The following PSMB7 variants were observed in gnomAD, a reference collection of about 807,000 sequenced individuals.
PSMB7 encodes the protein proteasome subunit beta type-7.
A neutral mutation model predicts 28.1 loss-of-function variants in PSMB7; 5 were observed. The ratio of observed to expected loss-of-function variants is 0.18; its 90% confidence interval spans 0.09 to 0.37. The LOEUF is 0.37. PSMB7 is among the 10% of genes least tolerant of loss of function. PSMB7 has a pLI of 1.00. For missense variants in PSMB7, 275 were observed against 346.2 expected (o/e 0.79, Z 1.63); for synonymous variants, 122 against 123.7 (o/e 0.99, Z 0.09).
intron 6 of PSMB7, among the ~76,000 whole-genome samples, chr9:124,370,345 G>C (rs910832299): frequency 3.4e-5 from 5 of 148,202 alleles, no homozygotes; most frequent in Non-Finnish European, 7.4e-5. Flanking sequence ...ACCTACACTT[G>C]ATATAGGCTG....
intron 6 of PSMB7, among the ~76,000 whole-genome samples, chr9:124,373,414 T>G (rs551839751): frequency 3.3e-5 from 5 of 152,290 alleles, no homozygotes; most frequent in African/African-American, 4.8e-5. Flanking sequence ...TAAAGACAAT[T>G]TATTATGTCT....
intron 6 of PSMB7, among the ~76,000 whole-genome samples, chr9:124,381,603 CAGAA>C (rs1443058096): frequency 5.3e-5 from 8 of 152,174 alleles, no homozygotes; most frequent in African/African-American, 1.9e-4. Flanking sequence ...CTTTTTGACA[CAGAA>C]AGAAAGTCTC....
At chr9:124,360,712 A>T (rs1261946976) in intron 6 of PSMB7, among the ~76,000 whole-genome samples, 1 of 152,334 alleles carries the variant, frequency 6.6e-6, no homozygotes, top group African/African-American at 2.4e-5. Context: ...GGAGACATGG[A>T]GGCAGACAGA....
At chr9:124,413,041 C>T (rs927675805) in intron 3 of PSMB7, among the ~76,000 whole-genome samples, 2 of 149,032 alleles carry the variant, frequency 1.3e-5, no homozygotes, top group African/African-American at 5.0e-5. Flanking sequence ...TCAGGCTGGG[C>T]ATGATGGCTC....
intron 7 of PSMB7, among the ~76,000 whole-genome samples, chr9:124,355,600 C>G (rs116755811): frequency 1.3e-5 from 2 of 152,358 alleles, no homozygotes; most frequent in East Asian, 3.9e-4. Context: ...ACCTGGAGCT[C>G]GGCAAAGCCC....
At chr9:124,374,012 G>T (rs1225621438) in intron 6 of PSMB7, among the ~76,000 whole-genome samples, 2 of 152,120 alleles carry the variant, frequency 1.3e-5, no homozygotes, top group East Asian at 3.8e-4. Context: ...TCCAACTAAT[G>T]AATAAGTAAA....
chr9:124,406,796 C>A (rs2131178921), intron 4 of PSMB7, among the ~76,000 whole-genome samples: 1 of 152,176 alleles, frequency 6.6e-6, no homozygotes, highest in Non-Finnish European at 1.5e-5. Context: ...TTCCTTTGGA[C>A]CCTTTTTTTC....
intron 6 of PSMB7, among the ~76,000 whole-genome samples, chr9:124,371,063 C>CTGTGAAATA (rs1830557882): frequency 6.6e-6 from 1 of 152,182 alleles, no homozygotes; most frequent in Non-Finnish European, 1.5e-5. Context: ...ATATTTCATA[C>CTGTGAAATA]CGCTGTGAAA....
intron 6 of PSMB7, among the ~76,000 whole-genome samples, chr9:124,358,850 G>A (rs534810170): frequency 5.9e-5 from 9 of 152,324 alleles, no homozygotes; most frequent in African/African-American, 1.9e-4. Context: ...GGCAGACATC[G>A]CGACCCTGCG....
rs147930840 is a variant in PSMB7 at position 124,393,480 on chromosome 9, T to G, written c.512-8824A>C. ...TTTCATCAGCAAATGTACCTCAATGTCAAAGTCTACCTTTTATTCCCAATG... is the reference window on the plus strand; with the variant it reads ...TTTCATCAGCAAATGTACCTCAATGGCAAAGTCTACCTTTTATTCCCAATG... On this transcript the variant is annotated intron_variant, in intron 5 of 7. Coordinates refer to ENST00000259457, the MANE Select transcript of PSMB7 (RefSeq NM_002799.4). 5.8e-3 allele frequency among the ~76,000 whole-genome samples: 886 copies of G among 152,344 alleles called. 10 individuals carry two copies. The highest frequency in any genetic ancestry group is 0.021 in the African/African-American group (859 of 41,578).
intron 6 of PSMB7, among the ~76,000 whole-genome samples, chr9:124,374,654 T>C (rs1409577888): frequency 6.6e-6 from 1 of 152,066 alleles, no homozygotes; most frequent in Non-Finnish European, 1.5e-5. Flanking sequence ...GTGAGACCGC[T>C]TATCTAAAAA....
At chr9:124,405,693 T>C (rs575438954) in intron 4 of PSMB7, among the ~76,000 whole-genome samples, 17 of 152,142 alleles carry the variant, frequency 1.1e-4, no homozygotes, top group African/African-American at 3.4e-4. Flanking sequence ...ATTATTATTA[T>C]TTTTTTGAGA....
At chr9:124,411,982 G>A (rs888770396) in intron 4 of PSMB7, among the ~76,000 whole-genome samples, 4 of 152,184 alleles carry the variant, frequency 2.6e-5, no homozygotes, top group African/African-American at 9.7e-5. Context: ...GTGGGGGGAA[G>A]GAGAGACAAT....
At chr9:124,389,680 C>T (rs759105272) in intron 5 of PSMB7, among the ~76,000 whole-genome samples, 1 of 152,282 alleles carries the variant, frequency 6.6e-6, no homozygotes. Flanking sequence ...GCAGACACTC[C>T]ACAGCTGCTC....
chr9:124,401,747 G>T (rs919659202), intron 5 of PSMB7, among the ~76,000 whole-genome samples: 1 of 152,216 alleles, frequency 6.6e-6, no homozygotes, highest in Non-Finnish European at 1.5e-5. Context: ...GAGGCCGGGT[G>T]CAGTGGCTCA....
chr9:124,383,319 T>C (rs1830686761), intron 6 of PSMB7, among the ~76,000 whole-genome samples: 1 of 152,252 alleles, frequency 6.6e-6, no homozygotes, highest in Admixed American at 6.5e-5. Flanking sequence ...TCATTTTTAG[T>C]GTAAAACACC....
intron 6 of PSMB7, among the ~76,000 whole-genome samples, chr9:124,357,462 G>A (rs1830421449): frequency 6.6e-6 from 1 of 152,204 alleles, no homozygotes; most frequent in African/African-American, 2.4e-5. Flanking sequence ...GTAGGAGGAA[G>A]AAACTAACAC....
intron 6 of PSMB7, among the ~76,000 whole-genome samples, chr9:124,374,231 T>C (rs554957773): frequency 6.6e-6 from 1 of 152,106 alleles, no homozygotes; most frequent in South Asian, 2.1e-4. Flanking sequence ...GCTGGGAAGG[T>C]TGGGGGAAAA....
intron 5 of PSMB7, among the ~76,000 whole-genome samples, chr9:124,390,530 T>C (rs769648492): frequency 2.0e-5 from 3 of 152,172 alleles, no homozygotes; most frequent in African/African-American, 4.8e-5. Flanking sequence ...TAGAAGTACA[T>C]TTTTTTGGCA....
Sources: allele counts gnomAD v4.1 joint callset (sites outside exome capture counted in the v4.1 genomes callset), GRCh38; gene constraint gnomAD v4.1.1; transcripts MANE v1.5; gene names NCBI Gene and HGNC (gene_info 2026-07-23, HGNC 2026-07-21).